The following ARFGAP3 variants were observed in gnomAD, a reference collection of about 807,000 sequenced individuals.
The protein encoded by ARFGAP3 is ARF GTPase activating protein 3, also known as ADP-ribosylation factor GTPase-activating protein 3.
In ARFGAP3, 72 loss-of-function variants were observed where a neutral mutation model predicts 75.0. The observed-to-expected ratio is 0.96, with a 90% confidence interval of 0.79 to 1.17. ARFGAP3 has a LOEUF of 1.17. Among genes scored for constraint, ARFGAP3 ranks in the 50% most tolerant of loss-of-function variants. The pLI is 0.00. For missense variants in ARFGAP3, 620 were observed against 626.6 expected, an observed-to-expected ratio of 0.99 and a Z score of 0.11; for synonymous variants, 221 against 217.9, an observed-to-expected ratio of 1.01 and a Z score of -0.13.
intron 3 of ARFGAP3, among the ~76,000 whole-genome samples, chr22:42,836,467 A>C (rs1330051819): frequency 6.6e-6 from 1 of 152,166 alleles, no homozygotes; most frequent in African/African-American, 2.4e-5. Flanking sequence ...GGATTCCAGT[A>C]AATCAGAATT....
intron 3 of ARFGAP3, among the ~76,000 whole-genome samples, chr22:42,838,560 G>A (rs1926640364): frequency 6.6e-6 from 1 of 151,828 alleles, no homozygotes; most frequent in Admixed American, 6.6e-5. Flanking sequence ...GCCTCCCGAA[G>A]TGTTGGGATT....
chr22:42,841,004 C>A lies in ARFGAP3; in HGVS notation c.201G>T (p.Leu67Phe), dbSNP rs1380363458. The change falls in exon 3 of 16, where the codon TTG becomes TTT. Residue 67 changes from leucine to phenylalanine, a missense_variant. Physicochemically the swap from Leu to Phe is conservative, Grantham distance 22 (BLOSUM62 0). Coordinates refer to ENST00000263245, the MANE Select transcript of ARFGAP3 (RefSeq NM_014570.5). ...ACTGAAACCATGACCAGTTGGAATC[C>A]AACTCTGTAGATCTAAATGGAAAGA... is the stretch of plus-strand genomic sequence containing the variant. ...VHLSFIRSTE[L>F]DSNWSWFQLR... is the part of the protein sequence containing the mutation. 2.5e-5 allele frequency: 40 copies of A among 1,613,926 alleles called. No individual in the cohort carries two copies. The highest frequency in any genetic ancestry group is 3.2e-5 in the Non-Finnish European group (38 of 1,179,992).
At position 42,847,575 on chromosome 22, in the gene ARFGAP3, A is replaced by T. The variant is rs775285235; in HGVS notation, c.127T>A (p.Phe43Ile). 1.9e-6 allele frequency: 3 copies of T among 1,613,980 alleles called. No homozygotes were observed. Among genetic ancestry groups the T allele is most frequent in the Non-Finnish European group, 2.5e-6 (3 of 1,179,912 alleles). ...PSWASITYGVFLCIDCSGSHR... is the reference protein window; with the variant it reads ...PSWASITYGVILCIDCSGSHR... ...GACCCTGAGCAATCAATGCAAAGGA[A>T]CACTCCATAGGTTATGCTTGCCCAG... is the stretch of plus-strand genomic sequence containing the variant. Residue 43 changes from phenylalanine to isoleucine, a missense_variant, in exon 2 of 16, where the codon TTC becomes ATC. Phe to Ile is a conservative substitution (Grantham distance 21). Coordinates refer to ENST00000263245, the MANE Select transcript of ARFGAP3 (RefSeq NM_014570.5).
At position 42,857,091 on chromosome 22, in the gene ARFGAP3, C is replaced by T. The variant is rs372103670; in HGVS notation, c.69+23G>A. ...GTTCCCGCAGGGATGCCAGGCAGGC[C>T]CGCACTCGCCCGCGGCCGCTACCTT... is the stretch of plus-strand genomic sequence containing the variant. On this transcript the variant is annotated intron_variant, in intron 1 of 15. Coordinates refer to ENST00000263245, the MANE Select transcript of ARFGAP3 (RefSeq NM_014570.5). The T allele has an allele frequency of 1.9e-5, 29 of 1,501,844 alleles. No individual in the cohort carries two copies. The African/African-American group carries it at 4.1e-4, about 21-fold the overall frequency. The allele number at this position is 1,501,844 out of a possible 1,614,324, so 93.0% of individuals were successfully genotyped here.
intron 7 of ARFGAP3, among the ~76,000 whole-genome samples, chr22:42,824,049 G>C (rs113209236): frequency 0.01 from 1,434 of 141,334 alleles, 15 homozygotes; most frequent in Middle Eastern, 0.06. Flanking sequence ...TTTTTTTTGA[G>C]ACAGGGTCTC....
At chr22:42,855,866 T>C (rs1161674618) in intron 1 of ARFGAP3, among the ~76,000 whole-genome samples, 2 of 151,312 alleles carry the variant, frequency 1.3e-5, no homozygotes. Flanking sequence ...CAAAAATTAA[T>C]TAATTAATTA....
intron 1 of ARFGAP3, among the ~76,000 whole-genome samples, chr22:42,848,869 G>A: frequency 6.6e-6 from 1 of 152,108 alleles, no homozygotes; most frequent in Non-Finnish European, 1.5e-5. Flanking sequence ...TGTGTATATG[G>A]CAGAAATGAC....
chr22:42,823,324 A>C (rs928445974), intron 8 of ARFGAP3, among the ~76,000 whole-genome samples: 15 of 151,328 alleles, frequency 9.9e-5, no homozygotes, highest in African/African-American at 3.6e-4. Flanking sequence ...GTATCTGAAA[A>C]CTCACCAGAC....
chr22:42,808,998 G>T, intron 12 of ARFGAP3, 108 bp from the exon 13 acceptor site: 1 of 1,272,698 alleles, frequency 7.9e-7, no homozygotes, highest in Non-Finnish European at 1.0e-6. Flanking sequence ...TTTTGTAAAA[G>T]GATTTTAGGC....
intron 5 of ARFGAP3, 42 bp downstream of exon 5, chr22:42,834,200 A>G: frequency 6.4e-7 from 1 of 1,567,064 alleles, no homozygotes; most frequent in Non-Finnish European, 8.7e-7. Flanking sequence ...GTTAACTGTC[A>G]GAGTAAGCAC....
chr22:42,840,872 G>C lies in ARFGAP3; in HGVS notation c.261+72C>G, dbSNP rs1438631439. Reference sequence around the variant, plus strand: ...AGGCATGAGCCACTGCACCTAGCCTGAGCTTCTTTACTATTATAGCATAAC... The same window carrying C: ...AGGCATGAGCCACTGCACCTAGCCTCAGCTTCTTTACTATTATAGCATAAC... On this transcript the variant is annotated intron_variant, in intron 3 of 15. Transcript: ENST00000263245. 14 of 1,509,084 alleles carry C rather than the reference G, an allele frequency of 9.3e-6. No homozygotes were observed. The Admixed American group carries it at 1.4e-4, about 15-fold the overall frequency. 93.5% of individuals were successfully genotyped at this position (1,509,084 alleles called of 1,614,324 possible).
rs138568704 is a variant in ARFGAP3 at position 42,831,706 on chromosome 22, C to A, written c.478-70G>T. 1.6e-5 allele frequency: 25 copies of A among 1,597,472 alleles called. No individual in the cohort carries two copies. In the Admixed American group the frequency reaches 1.6e-4, roughly 10 times the overall value. On this transcript the variant is annotated intron_variant, in intron 5 of 15. Coordinates refer to ENST00000263245, the MANE Select transcript of ARFGAP3 (RefSeq NM_014570.5). The stretch of plus-strand genomic sequence containing the variant: ...CAGCCATAAAAAACACATCAAAGCA[C>A]GGGAAAAACCTAACAATTTAAACAG...
intron 14 of ARFGAP3, among the ~76,000 whole-genome samples, chr22:42,804,424 C>T (rs1925026633): frequency 1.4e-5 from 2 of 143,134 alleles, no homozygotes; most frequent in Non-Finnish European, 3.0e-5. Context: ...GCTCTGTCTC[C>T]AGGCTGGAGT....
intron 11 of ARFGAP3, among the ~76,000 whole-genome samples, chr22:42,814,248 T>C (rs1925486226): frequency 6.6e-6 from 1 of 152,250 alleles, no homozygotes; most frequent in African/African-American, 2.4e-5. Context: ...AATGAATAAT[T>C]TGAAAGCAAT....
At chr22:42,850,421 A>C (rs1927225127) in intron 1 of ARFGAP3, among the ~76,000 whole-genome samples, 2 of 152,002 alleles carry the variant, frequency 1.3e-5, no homozygotes, top group African/African-American at 4.8e-5. Context: ...AAAAATTAAA[A>C]AAATTAGCCG....
At chr22:42,797,899 G>A (rs1416113419) in intron 15 of ARFGAP3, among the ~76,000 whole-genome samples, 1 of 152,188 alleles carries the variant, frequency 6.6e-6, no homozygotes, top group Non-Finnish European at 1.5e-5. Flanking sequence ...ATGCTCAGTG[G>A]GCCAGAGGCA....
intron 1 of ARFGAP3, among the ~76,000 whole-genome samples, chr22:42,852,811 C>G (rs1228607386): frequency 6.6e-6 from 1 of 152,166 alleles, no homozygotes; most frequent in Non-Finnish European, 1.5e-5. Context: ...GTTGCCCAGG[C>G]TGGAGTGCAG....
At chr22:42,811,014 C>G in intron 11 of ARFGAP3, 70 bp from the exon 12 acceptor site, 1 of 1,574,360 alleles carries the variant, frequency 6.4e-7, no homozygotes, top group Non-Finnish European at 8.6e-7. Flanking sequence ...TCTCTCACTT[C>G]CACAGATGTG....
intron 1 of ARFGAP3, 56 bp downstream of exon 1, chr22:42,857,058 T>C: frequency 6.8e-7 from 1 of 1,463,334 alleles, no homozygotes; most frequent in Non-Finnish European, 9.1e-7. Flanking sequence ...CCGCGGGGCC[T>C]CCCGCCGGTT....
Sources: gnomAD v4.1 joint callset for allele counts (sites outside exome capture counted in the v4.1 genomes callset) on GRCh38, gnomAD v4.1.1 for gene constraint, MANE v1.5 for transcripts, NCBI Gene and HGNC (gene_info 2026-07-23, HGNC 2026-07-21) for gene names.